The following JAKMIP2 variants were observed in gnomAD, a reference collection of about 807,000 sequenced individuals.
The protein encoded by JAKMIP2 is janus kinase and microtubule-interacting protein 2.
In JAKMIP2, 25 loss-of-function variants were observed where a neutral mutation model predicts 115.0. That is an observed-to-expected ratio of 0.22 (90% CI 0.16 to 0.30). The LOEUF (loss-of-function observed/expected upper bound fraction) is 0.30, where lower values mean the gene tolerates loss of function less well. Among genes scored for constraint, JAKMIP2 ranks in the 10% least tolerant of loss-of-function variants. JAKMIP2 has a pLI of 1.00. For missense variants in JAKMIP2, 642 were observed against 957.6 expected (o/e 0.67, Z 4.35); for synonymous variants, 334 against 343.6 (o/e 0.97, Z 0.31).
chr5:147,697,091 T>C (rs1199878508), intron 1 of JAKMIP2, among the ~76,000 whole-genome samples: 1 of 152,130 alleles, frequency 6.6e-6, no homozygotes, highest in Non-Finnish European at 1.5e-5. Context: ...ACAAGGAGCC[T>C]GTATTAGTTC....
intron 20 of JAKMIP2, among the ~76,000 whole-genome samples, chr5:147,605,060 G>A (rs1302991516): frequency 6.6e-6 from 1 of 151,714 alleles, no homozygotes; most frequent in Non-Finnish European, 1.5e-5. Flanking sequence ...CCACTTATGA[G>A]TGAGAACATG....
At chr5:147,702,636 GAA>G (rs1752402609) in intron 1 of JAKMIP2, among the ~76,000 whole-genome samples, 1 of 122,778 alleles carries the variant, frequency 8.1e-6, no homozygotes, top group African/African-American at 3.4e-5. Flanking sequence ...AAGAAAGAAA[GAA>G]AGAAAGAAAG....
chr5:147,590,677 C>G lies in JAKMIP2; in HGVS notation c.*1030G>C, dbSNP rs1755062561. On this transcript the variant is annotated 3_prime_UTR_variant, in exon 22 of 22. Transcript: ENST00000616793. ...TTTTGCCCAAATCATATAGCATATT[C>G]ATTTGCAGGCAATTTTAAGCAGCCA... is the stretch of plus-strand genomic sequence containing the variant. The G allele has an allele frequency of 6.6e-6, 1 of 152,168 alleles. No individual in the cohort carries two copies. Among genetic ancestry groups the G allele is most frequent in the African/African-American group, 2.4e-5 (1 of 41,446 alleles). The allele number at this position is 152,168 out of a possible 1,614,324, so 9.4% of individuals were successfully genotyped here. A position where few individuals can be genotyped will look rare whatever the true frequency, so the allele number is the denominator to read the frequency against.
At chr5:147,682,854 G>C (rs1366871508) in intron 1 of JAKMIP2, among the ~76,000 whole-genome samples, 1 of 152,084 alleles carries the variant, frequency 6.6e-6, no homozygotes, top group African/African-American at 2.4e-5. Flanking sequence ...CTTAATCCTT[G>C]CCTCCATCCA....
chr5:147,595,564 C>T (rs1755335072), intron 21 of JAKMIP2: 1 of 454,410 alleles, frequency 2.2e-6, no homozygotes, highest in South Asian at 1.6e-5. Context: ...TACTATTACT[C>T]ATAAATTACC....
At chr5:147,679,863 A>C (rs1032414607) in intron 1 of JAKMIP2, among the ~76,000 whole-genome samples, 2 of 152,230 alleles carry the variant, frequency 1.3e-5, no homozygotes, top group Admixed American at 6.5e-5. Context: ...GACAGGCTAC[A>C]GAGGTGGCAA....
chr5:147,595,689 C>G, intron 21 of JAKMIP2: 1 of 317,088 alleles, frequency 3.2e-6, no homozygotes, highest in South Asian at 2.8e-5. Context: ...ATAAATGTAC[C>G]TTTTGAACTG....
intron 3 of JAKMIP2, among the ~76,000 whole-genome samples, chr5:147,659,889 A>T (rs920157114): frequency 1.3e-5 from 2 of 152,238 alleles, no homozygotes; most frequent in African/African-American, 2.4e-5. Context: ...ATTAACTTTT[A>T]AAAATGCTCT....
At chr5:147,732,495 T>TAA (rs113070444) in intron 1 of JAKMIP2, among the ~76,000 whole-genome samples, 19,856 of 152,174 alleles carry the variant, frequency 0.13, 1,376 homozygotes, top group Middle Eastern at 0.19. Flanking sequence ...CTATCTCTTG[T>TAA]AAGAGTATGT....
At chr5:147,675,814 C>A (rs115241694) in intron 1 of JAKMIP2, among the ~76,000 whole-genome samples, 1,773 of 125,638 alleles carry the variant, frequency 0.014, 42 homozygotes, top group African/African-American at 0.049. Flanking sequence ...TTGTGACTGG[C>A]TTCTTCCACT....
intron 1 of JAKMIP2, among the ~76,000 whole-genome samples, chr5:147,771,574 T>C (rs1561586498): frequency 6.6e-6 from 1 of 152,048 alleles, no homozygotes; most frequent in Non-Finnish European, 1.5e-5. Flanking sequence ...AAATGAAAGA[T>C]ACCTGTTGAG....
intron 20 of JAKMIP2, among the ~76,000 whole-genome samples, chr5:147,608,009 C>A (rs1247241018): frequency 1.3e-5 from 2 of 152,114 alleles, no homozygotes; most frequent in South Asian, 4.1e-4. Flanking sequence ...TCTGTGGGAT[C>A]AGTGGTGATC....
At chr5:147,686,790 G>T (rs1186873351) in intron 1 of JAKMIP2, among the ~76,000 whole-genome samples, 1 of 151,982 alleles carries the variant, frequency 6.6e-6, no homozygotes. Context: ...CTTAAAAATT[G>T]AGCAATATAT....
chr5:147,634,863 G>A lies in JAKMIP2; in HGVS notation c.1677+1359C>T, dbSNP rs184411018. On this transcript the variant is annotated intron_variant, in intron 12 of 21. Transcript: ENST00000616793. ...TCATGCTTACCAGCCAGGATGTTGT[G>A]GTTAATTTTTATTACTTGTCAGGGA... is the stretch of plus-strand genomic sequence containing the variant. Among the ~76,000 whole-genome samples the A allele has an allele frequency of 2.5e-3, 383 of 152,172 alleles. 1 individual carries two copies. The highest frequency in any genetic ancestry group is 3.8e-3 in the Non-Finnish European group (261 of 67,994).
chr5:147,770,348 G>C (rs899027184), intron 1 of JAKMIP2, among the ~76,000 whole-genome samples: 1 of 151,786 alleles, frequency 6.6e-6, no homozygotes, highest in African/African-American at 2.4e-5. Flanking sequence ...GTTCTAAATG[G>C]GTTTACATAG....
At chr5:147,682,371 AG>A (rs1205497459) in intron 1 of JAKMIP2, among the ~76,000 whole-genome samples, 2 of 152,204 alleles carry the variant, frequency 1.3e-5, no homozygotes, top group African/African-American at 4.8e-5. Context: ...GATTTCACAT[AG>A]GGGAGTGACT....
intron 1 of JAKMIP2, among the ~76,000 whole-genome samples, chr5:147,725,211 G>T (rs187626864): frequency 6.6e-6 from 1 of 152,192 alleles, no homozygotes; most frequent in Non-Finnish European, 1.5e-5. Flanking sequence ...GTCCAAAAAT[G>T]GGATAAACTC....
Position 147,637,066 on chromosome 5 carries a change from C to T in JAKMIP2, c.1531-18G>A, listed in dbSNP as rs781697748. ...TCTTGAGCCTGGTGAAACCAAAATT[C>T]CAGAACTCAGCAAGTAAAATGGTTA... On this transcript the variant is annotated intron_variant, in intron 10 of 21. Transcript: ENST00000616793. 1.8e-5 allele frequency: 14 copies of T among 782,574 alleles called. No individual in the cohort carries two copies. In the Admixed American group the frequency reaches 1.8e-4, roughly 10 times the overall value. 48.5% of individuals were successfully genotyped at this position (782,574 alleles called of 1,614,324 possible). A position where few individuals can be genotyped will look rare whatever the true frequency, so the allele number is the denominator to read the frequency against.
In JAKMIP2 at chr5:147,612,173, G is replaced by T. The variant is rs191684824; in HGVS notation, c.2412+133C>A. ...TCTGTTTGACTGAAGGTGAAAGCTA[G>T]GTTTACTGTAACTATACCTGCCTCT... is the stretch of plus-strand genomic sequence containing the variant. On this transcript the variant is annotated intron_variant, in intron 20 of 21. Transcript: ENST00000616793. 2.6e-4 allele frequency: 197 copies of T among 763,634 alleles called. 1 individual carries two copies. In the East Asian group the frequency reaches 4.4e-3, roughly 17 times the overall value. 47.3% of individuals were successfully genotyped at this position (763,634 alleles called of 1,614,324 possible). A position where few individuals can be genotyped will look rare whatever the true frequency, so the allele number is the denominator to read the frequency against.
Sources: allele counts gnomAD v4.1 joint callset (sites outside exome capture counted in the v4.1 genomes callset), GRCh38; gene constraint gnomAD v4.1.1; transcripts MANE v1.5; gene names NCBI Gene and HGNC (gene_info 2026-07-23, HGNC 2026-07-21).